Variants in IGFL2 observed in about 807,000 individuals in gnomAD.
IGFL2 encodes the protein IGF like family member 2.
A neutral mutation model predicts 13.9 loss-of-function variants in IGFL2; 7 were observed. That is an observed-to-expected ratio of 0.51 (90% CI 0.29 to 0.95). The LOEUF (loss-of-function observed/expected upper bound fraction) is 0.95. Ranked by LOEUF, IGFL2 falls within the 40% of genes least tolerant of loss-of-function variation. IGFL2 has a pLI of 0.08. For synonymous variants in IGFL2, 55 were observed against 55.8 expected (o/e 0.99, Z 0.07); for missense variants, 138 against 147.8 (o/e 0.93, Z 0.34).
downstream of IGFL2, among the ~76,000 whole-genome samples, chr19:46,162,886 A>G (rs1307632902): frequency 6.6e-6 from 1 of 152,168 alleles, no homozygotes; most frequent in Non-Finnish European, 1.5e-5. Context: ...CATTTGAGTT[A>G]CTGGAGTTCT....
intron 1 of IGFL2, among the ~76,000 whole-genome samples, chr19:46,157,552 T>A (rs1320963862): frequency 6.6e-6 from 1 of 152,164 alleles, no homozygotes; most frequent in African/African-American, 2.4e-5. Context: ...CAATTGATGC[T>A]GAAAAAGCAT....
the IGFL2 span, chr19:46,124,807 T>A: frequency 2.9e-6 from 2 of 681,188 alleles, no homozygotes; most frequent in Non-Finnish European, 2.6e-6. Context: ...TCCTTGAAGA[T>A]AACCAAAGTC....
At chr19:46,120,889 T>C in the IGFL2 span, among the ~76,000 whole-genome samples, 4 of 151,080 alleles carry the variant, frequency 2.6e-5, 1 homozygote, top group African/African-American at 7.4e-5. Flanking sequence ...TTATTCCACA[T>C]TGAATTCATC....
At chr19:46,106,645 A>G in the IGFL2 span, among the ~76,000 whole-genome samples, 21 of 152,158 alleles carry the variant, frequency 1.4e-4, no homozygotes, top group Non-Finnish European at 2.6e-4. Flanking sequence ...TGATAAGGCA[A>G]AGATCTTGGA....
At chr19:46,137,539 A>G in the IGFL2 span, 100 of 1,076,804 alleles carry the variant, frequency 9.3e-5, 1 homozygote, top group South Asian at 1.2e-3. Context: ...GGTCCAAGGG[A>G]ATGTCCATGG....
chr19:46,177,245 A>G, the IGFL2 span, among the ~76,000 whole-genome samples: 1 of 152,024 alleles, frequency 6.6e-6, no homozygotes, highest in Non-Finnish European at 1.5e-5. Context: ...AAATACAAAA[A>G]TTAGCGGTGT....
chr19:46,127,356 AAAG>A, the IGFL2 span, among the ~76,000 whole-genome samples: 6 of 152,330 alleles, frequency 3.9e-5, no homozygotes, highest in South Asian at 6.2e-4. Context: ...TGTTGCAAAG[AAAG>A]AAGAAGGAAG....
At chr19:46,137,066 G>A in the IGFL2 span, 1 of 1,599,666 alleles carries the variant, frequency 6.3e-7, no homozygotes, top group South Asian at 1.1e-5. Context: ...AGCCAAAACT[G>A]ATCCTGGGGA....
the IGFL2 span, among the ~76,000 whole-genome samples, chr19:46,194,903 C>T: frequency 1.8e-5 from 2 of 109,774 alleles, no homozygotes; most frequent in Non-Finnish European, 3.5e-5. Flanking sequence ...TGTTTTGAGA[C>T]AGGGTCTTGC....
the IGFL2 span, among the ~76,000 whole-genome samples, chr19:46,089,520 C>T: frequency 2.4e-4 from 37 of 152,144 alleles, no homozygotes; most frequent in African/African-American, 8.9e-4. Context: ...GCTTGAAAAA[C>T]TCCCTTTAGC....
the IGFL2 span, among the ~76,000 whole-genome samples, chr19:46,168,899 A>AGAGTGTGTGT: frequency 7.1e-6 from 1 of 140,566 alleles, no homozygotes; most frequent in African/African-American, 2.7e-5. Flanking sequence ...CAGTAGATTG[A>AGAGTGTGTGT]GTGTGTGTGT....
At chr19:46,193,333 A>G in the IGFL2 span, among the ~76,000 whole-genome samples, 162 of 152,306 alleles carry the variant, frequency 1.1e-3, 1 homozygote, top group Admixed American at 7.1e-3. Flanking sequence ...GCATATTGAC[A>G]CTGTAGATGC....
intron 1 of IGFL2, among the ~76,000 whole-genome samples, chr19:46,157,011 A>G (rs564446673): frequency 6.6e-6 from 1 of 152,310 alleles, no homozygotes; most frequent in African/African-American, 2.4e-5. Context: ...ACTCTACACA[A>G]TTTGACAACT....
At chr19:46,089,483 G>T in the IGFL2 span, among the ~76,000 whole-genome samples, 1 of 151,936 alleles carries the variant, frequency 6.6e-6, no homozygotes, top group South Asian at 2.1e-4. Flanking sequence ...ATGTTTTTGT[G>T]TTACTCATTA....
chr19:46,122,261 T>A, the IGFL2 span, among the ~76,000 whole-genome samples: 1 of 151,002 alleles, frequency 6.6e-6, no homozygotes, highest in African/African-American at 2.5e-5. Context: ...GCACAAAACA[T>A]CTTTAGCCAG....
chr19:46,180,847 A>G, the IGFL2 span, among the ~76,000 whole-genome samples: 1 of 152,190 alleles, frequency 6.6e-6, no homozygotes, highest in East Asian at 1.9e-4. Flanking sequence ...GCACAGAAGA[A>G]AGATGAAGGC....
chr19:46,134,628 C>T, the IGFL2 span, among the ~76,000 whole-genome samples: 2 of 152,052 alleles, frequency 1.3e-5, no homozygotes, highest in East Asian at 1.9e-4. Context: ...AGTGTGCAAC[C>T]TAAATACTTC....
At chr19:46,190,721 A>G in the IGFL2 span, among the ~76,000 whole-genome samples, 1 of 152,188 alleles carries the variant, frequency 6.6e-6, no homozygotes, top group South Asian at 2.1e-4. Flanking sequence ...TGGGGCAAAG[A>G]GCCTTGCATC....
the IGFL2 span, among the ~76,000 whole-genome samples, chr19:46,097,580 G>A: frequency 6.6e-6 from 1 of 152,068 alleles, no homozygotes; most frequent in Non-Finnish European, 1.5e-5. Flanking sequence ...TGGTTTTCTA[G>A]TTCTTTTAGT....
Sources: allele counts gnomAD v4.1 joint callset (sites outside exome capture counted in the v4.1 genomes callset), GRCh38; gene constraint gnomAD v4.1.1; transcripts MANE v1.5; gene names NCBI Gene and HGNC (gene_info 2026-07-23, HGNC 2026-07-21).